Variants in STK39 observed in about 807,000 individuals in gnomAD.
STK39 encodes STE20/SPS1-related proline-alanine-rich protein kinase.
STK39 carries 20 observed loss-of-function variants against 77.8 expected under a neutral mutation model. The ratio of observed to expected loss-of-function variants is 0.26; its 90% CI spans 0.18 to 0.37. STK39 has a LOEUF of 0.37. Ranked by LOEUF, STK39 falls within the 10% of genes least tolerant of loss-of-function variation. STK39 has a pLI of 1.00. For synonymous variants in STK39, 246 were observed against 234.1 expected (o/e 1.05, Z -0.47); for missense variants, 479 against 656.5 (o/e 0.73, Z 2.95).
intron 14 of STK39, among the ~76,000 whole-genome samples, chr2:168,055,039 A>C (rs1457975707): frequency 6.6e-6 from 1 of 152,218 alleles, no homozygotes; most frequent in Admixed American, 6.5e-5. Flanking sequence ...TTTTCAACAA[A>C]GACTTGCACA....
chr2:167,971,809 AG>A (rs1276763065), intron 16 of STK39, among the ~76,000 whole-genome samples: 2 of 152,234 alleles, frequency 1.3e-5, no homozygotes, highest in Non-Finnish European at 2.9e-5. Flanking sequence ...AGGAAGGGAT[AG>A]GGTTAGAGGC....
chr2:168,232,100 GT>G lies in STK39; in HGVS notation c.208+15127del, dbSNP rs572592989. 7.7e-4 allele frequency: 196 copies of G among 253,326 alleles called. 1 individual carries two copies. The highest frequency in any genetic ancestry group is 3.8e-3 in the African/African-American group (166 of 43,878). 15.7% of individuals were successfully genotyped at this position (253,326 alleles called of 1,614,324 possible). A position where few individuals can be genotyped will look rare whatever the true frequency, so the allele number is the denominator to read the frequency against. On this transcript the variant is annotated intron_variant, in intron 1 of 17. Transcript: ENST00000355999. Reference sequence around the variant, plus strand: ...CACAGTGCCCCTGGTAAGATCCACAGTTACACTCATCACATCACCAGAGTGC... The same window carrying G: ...CACAGTGCCCCTGGTAAGATCCACAGTACACTCATCACATCACCAGAGTGC...
chr2:168,057,475 G>A lies in STK39; in HGVS notation c.1376+6025C>T, dbSNP rs538968385. Among the ~76,000 whole-genome samples the A allele has an allele frequency of 1.6e-4, 24 of 152,312 alleles. No homozygotes were observed. In the South Asian group the frequency reaches 5.0e-3, roughly 32 times the overall value. The stretch of plus-strand genomic sequence containing the variant: ...CCCAAAGTGCTGCAATTATAGGCGT[G>A]AGCCACCGCGCCTGGCCCTCTATGA... On this transcript the variant is annotated intron_variant, in intron 14 of 17. Coordinates refer to ENST00000355999, the MANE Select transcript of STK39 (RefSeq NM_013233.3).
chr2:168,192,578 G>A (rs1383480895), intron 1 of STK39, among the ~76,000 whole-genome samples: 1 of 152,132 alleles, frequency 6.6e-6, no homozygotes, highest in Non-Finnish European at 1.5e-5. Flanking sequence ...AGGGTCTGGG[G>A]TCACACAGCC....
chr2:168,156,351 C>G (rs1053472464), intron 5 of STK39, among the ~76,000 whole-genome samples: 1 of 152,070 alleles, frequency 6.6e-6, no homozygotes, highest in African/African-American at 2.4e-5. Context: ...GAAGCTGGAG[C>G]TTTATTCCAT....
At chr2:168,180,784 T>A (rs1689066303) in intron 2 of STK39, among the ~76,000 whole-genome samples, 1 of 152,202 alleles carries the variant, frequency 6.6e-6, no homozygotes, top group Non-Finnish European at 1.5e-5. Context: ...GTTAAAAGCC[T>A]TGAATGTATG....
chr2:168,100,625 G>C (rs893046240), intron 10 of STK39, among the ~76,000 whole-genome samples: 13 of 152,132 alleles, frequency 8.5e-5, no homozygotes, highest in Admixed American at 2.0e-4. Flanking sequence ...GCATCAGAGT[G>C]AATAGGCAAC....
At chr2:168,097,524 A>C (rs1686702451) in intron 10 of STK39, among the ~76,000 whole-genome samples, 1 of 152,142 alleles carries the variant, frequency 6.6e-6, no homozygotes, top group East Asian at 1.9e-4. Flanking sequence ...AAGGAGATTG[A>C]GACACACCTG....
chr2:168,181,730 CATTCTCACCTTGGGATT>C (rs1689086403), intron 2 of STK39, among the ~76,000 whole-genome samples: 1 of 152,122 alleles, frequency 6.6e-6, no homozygotes, highest in Non-Finnish European at 1.5e-5. Context: ...ACGCTGAGGC[CATTCTCACCTTGGGATT>C]ATTCGAACTG....
At chr2:167,958,404 C>T (rs1167605916) in intron 17 of STK39, among the ~76,000 whole-genome samples, 1 of 152,088 alleles carries the variant, frequency 6.6e-6, no homozygotes, top group East Asian at 1.9e-4. Context: ...TATTCCTTTA[C>T]TAATTCATTA....
In STK39 at chr2:168,063,563, G is replaced by T. The variant is rs776513083; in HGVS notation, c.1313C>A (p.Pro438His). Residue 438 changes from proline (P) to histidine (H), a missense_variant, in exon 14 of 18, where the codon CCC becomes CAC. By Grantham distance (77) the Pro-to-His change is moderately conservative. Coordinates refer to ENST00000355999, the MANE Select transcript of STK39 (RefSeq NM_013233.3). The part of the protein sequence containing the change: ...SLSVHDSQGP[P>H]NANEDYREAS... ...TTCTCTGTAGTCTTCATTAGCATTG[G>T]GTGGGCCCTTTAAAAAGAAAACAGC... 2.5e-6 allele frequency: 4 copies of T among 1,610,794 alleles called. No individual in the cohort carries two copies. Among genetic ancestry groups the T allele is most frequent in the Non-Finnish European group, 3.4e-6 (4 of 1,178,912 alleles).
At chr2:168,107,744 C>T (rs1687011158) in intron 10 of STK39, among the ~76,000 whole-genome samples, 1 of 152,198 alleles carries the variant, frequency 6.6e-6, no homozygotes. Flanking sequence ...AAAATTTACT[C>T]ATTTTCACAT....
intron 10 of STK39, among the ~76,000 whole-genome samples, chr2:168,125,739 TA>T (rs1191122298): frequency 6.6e-6 from 1 of 152,232 alleles, no homozygotes; most frequent in African/African-American, 2.4e-5. Context: ...TTTTGCATAC[TA>T]AATTACCAAA....
chr2:168,155,430 C>T (rs3820865), intron 5 of STK39, among the ~76,000 whole-genome samples: 5,191 of 152,164 alleles, frequency 0.034, 262 homozygotes, highest in East Asian at 0.24. Context: ...ATTTACTGTC[C>T]TTATTCACTT....
intron 5 of STK39, among the ~76,000 whole-genome samples, chr2:168,148,313 C>T (rs558758665): frequency 1.3e-5 from 2 of 152,276 alleles, no homozygotes; most frequent in African/African-American, 4.8e-5. Flanking sequence ...CAGAATGTCA[C>T]CAGACCTCTG....
At position 168,056,356 on chromosome 2, in the gene STK39, G is replaced by A. The variant is rs190041379; in HGVS notation, c.1376+7144C>T. ...CTTCCGGGGGGAGGGGGAGGGGCGT[G>A]CAGTGAGGAAGGAAGCCACGTTCCC... On this transcript the variant is annotated intron_variant, in intron 14 of 17. Coordinates refer to ENST00000355999, the MANE Select transcript of STK39 (RefSeq NM_013233.3). Among the ~76,000 whole-genome samples, 1,196 of 152,152 alleles carry A rather than the reference G, an allele frequency of 7.9e-3. 14 individuals carry two copies. The highest frequency in any genetic ancestry group is 0.012 in the Non-Finnish European group (804 of 68,016).
intron 1 of STK39, among the ~76,000 whole-genome samples, chr2:168,239,993 C>T (rs1426476280): frequency 1.3e-5 from 2 of 152,200 alleles, no homozygotes; most frequent in East Asian, 3.8e-4. Flanking sequence ...CCAAGATATA[C>T]ATTTTTTATA....
intron 16 of STK39, among the ~76,000 whole-genome samples, chr2:168,008,325 G>A (rs1043455109): frequency 6.6e-6 from 1 of 152,124 alleles, no homozygotes; most frequent in African/African-American, 2.4e-5. Flanking sequence ...CAGGATCCTG[G>A]GCACATTCAG....
chr2:168,184,483 G>A (rs1689158267), intron 1 of STK39, among the ~76,000 whole-genome samples: 1 of 152,072 alleles, frequency 6.6e-6, no homozygotes, highest in Non-Finnish European at 1.5e-5. Flanking sequence ...AAGAGACCAA[G>A]AACAAAGTTA....
Sources: gnomAD v4.1 joint callset for allele counts (sites outside exome capture counted in the v4.1 genomes callset) on GRCh38, gnomAD v4.1.1 for gene constraint, MANE v1.5 for transcripts, NCBI Gene and HGNC (gene_info 2026-07-23, HGNC 2026-07-21) for gene names.